Variants in ELP4 observed in about 807,000 individuals in gnomAD.
The protein encoded by ELP4 is elongator complex protein 4.
In ELP4, 51 loss-of-function variants were observed where a neutral mutation model predicts 48.9. That is an observed-to-expected ratio of 1.04 (90% CI 0.83 to 1.32). The LOEUF (loss-of-function observed/expected upper bound fraction) is 1.32, where lower values mean the gene tolerates loss of function less well. Ranked by LOEUF, ELP4 falls within the 40% of genes most tolerant of loss-of-function variation. The pLI, the probability that ELP4 is intolerant of heterozygous loss-of-function variation, is 0.00. For synonymous variants in ELP4, 210 were observed against 189.2 expected (o/e 1.11, Z -0.90); for missense variants, 519 against 514.6 (o/e 1.01, Z -0.08).
intron 3 of ELP4, among the ~76,000 whole-genome samples, chr11:31,583,551 A>G (rs1040683994): frequency 2.0e-5 from 3 of 152,250 alleles, no homozygotes; most frequent in South Asian, 2.1e-4. Context: ...GTGGTGAGCT[A>G]TGATTATGCC....
At chr11:31,776,055 A>G (rs762972) in intron 9 of ELP4, among the ~76,000 whole-genome samples, 107,148 of 150,784 alleles carry the variant, frequency 0.71, 39,128 homozygotes, top group African/African-American at 0.9. Flanking sequence ...GGAGGAGAAG[A>G]TGGGAGGGTG....
chr11:31,751,594 T>C (rs1448643102), intron 9 of ELP4, among the ~76,000 whole-genome samples: 3 of 152,166 alleles, frequency 2.0e-5, no homozygotes, highest in Admixed American at 1.3e-4. Context: ...CAAATATTTT[T>C]TGAATGAATG....
intron 5 of ELP4, among the ~76,000 whole-genome samples, chr11:31,619,380 A>G (rs1247335637): frequency 2.6e-5 from 4 of 152,026 alleles, no homozygotes; most frequent in South Asian, 4.1e-4. Flanking sequence ...TGTTCAGGCT[A>G]CTATAACAAA....
chr11:31,776,659 G>A (rs1300765622), intron 9 of ELP4, among the ~76,000 whole-genome samples: 6 of 152,082 alleles, frequency 3.9e-5, no homozygotes, highest in African/African-American at 1.2e-4. Context: ...TATAATTGAC[G>A]GTCAAAATAA....
intron 3 of ELP4, among the ~76,000 whole-genome samples, chr11:31,559,569 A>G (rs1408979536): frequency 6.6e-6 from 1 of 152,210 alleles, no homozygotes; most frequent in African/African-American, 2.4e-5. Flanking sequence ...TTATGTCTTC[A>G]CTAGTTACCT....
At chr11:31,779,761 C>T (rs537455419) in intron 9 of ELP4, 3 of 152,264 alleles carry the variant, frequency 2.0e-5, no homozygotes, top group Non-Finnish European at 4.4e-5. Flanking sequence ...GTGCAGGAAC[C>T]GTGGAAGTTG....
intron 9 of ELP4, among the ~76,000 whole-genome samples, chr11:31,716,125 C>T (rs1366014620): frequency 6.6e-6 from 1 of 152,126 alleles, no homozygotes; most frequent in Non-Finnish European, 1.5e-5. Context: ...AACCATCCTC[C>T]TGCCTCAGCC....
At chr11:31,737,848 T>TAATTGGTGGAAATTGTAAAAAATA (rs1947353238) in intron 9 of ELP4, among the ~76,000 whole-genome samples, 1 of 152,134 alleles carries the variant, frequency 6.6e-6, no homozygotes, top group South Asian at 2.1e-4. Context: ...GGTGGAAATG[T>TAATTGGTGGAAATTGTAAAAAATA]AAAATGTATA....
intron 1 of ELP4, chr11:31,511,594 G>A (rs1956009250): frequency 6.6e-6 from 1 of 152,176 alleles, no homozygotes; most frequent in Non-Finnish European, 1.5e-5. Context: ...GATATGAACA[G>A]TCTCACAAAA....
intron 9 of ELP4, among the ~76,000 whole-genome samples, chr11:31,714,225 G>GA (rs1173306882): frequency 6.6e-6 from 1 of 152,104 alleles, no homozygotes; most frequent in African/African-American, 2.4e-5. Context: ...ATAATAGAAT[G>GA]AAAAATACCT....
At chr11:31,682,652 A>T (rs1338064839) in intron 9 of ELP4, among the ~76,000 whole-genome samples, 2 of 152,190 alleles carry the variant, frequency 1.3e-5, no homozygotes, top group African/African-American at 4.8e-5. Context: ...GTGAATATAC[A>T]AATATGTATT....
At chr11:31,535,121 A>G (rs1956478352) in intron 2 of ELP4, among the ~76,000 whole-genome samples, 1 of 152,188 alleles carries the variant, frequency 6.6e-6, no homozygotes, top group African/African-American at 2.4e-5. Flanking sequence ...TGAGTGACAA[A>G]TAATGTTAAA....
chr11:31,781,488 CTTTTTTTTTTTTTTT>C (rs141365629), intron 9 of ELP4, among the ~76,000 whole-genome samples: 3 of 67,414 alleles, frequency 4.5e-5, no homozygotes, highest in Non-Finnish European at 2.5e-5. Flanking sequence ...ATTCCTGAGC[CTTTTTTTTTTTTTTT>C]TTTTTTTTTT....
intron 1 of ELP4, chr11:31,510,591 G>A (rs1026856458): frequency 2.5e-6 from 1 of 392,512 alleles, no homozygotes; most frequent in African/African-American, 2.1e-5. Flanking sequence ...TTGATATTTA[G>A]ATAGTGTCTG....
chr11:31,530,877 G>T (rs12789808), intron 2 of ELP4, among the ~76,000 whole-genome samples: 40,570 of 151,984 alleles, frequency 0.27, 5,699 homozygotes, highest in African/African-American at 0.34. Context: ...TCATCAGGTT[G>T]GTTGACTACT....
chr11:31,731,601 T>TGTG (rs3073920), intron 9 of ELP4, among the ~76,000 whole-genome samples: 2 of 148,170 alleles, frequency 1.3e-5, no homozygotes, highest in Non-Finnish European at 3.0e-5. Flanking sequence ...TGTGTGTGTG[T>TGTG]AGTCTGTGAA....
At chr11:31,754,129 C>T (rs1947784868) in intron 9 of ELP4, among the ~76,000 whole-genome samples, 1 of 152,136 alleles carries the variant, frequency 6.6e-6, no homozygotes, top group African/African-American at 2.4e-5. Flanking sequence ...TGAGCCTAAT[C>T]CCCATCATAT....
chr11:31,618,442 G>C (rs1408183009), intron 5 of ELP4, among the ~76,000 whole-genome samples: 2 of 152,076 alleles, frequency 1.3e-5, no homozygotes, highest in Non-Finnish European at 2.9e-5. Flanking sequence ...CATGGCAAAA[G>C]AATGGAAGAA....
chr11:31,576,208 C>T lies in ELP4; in HGVS notation c.382-18562C>T, dbSNP rs567785396. On this transcript the variant is annotated intron_variant, in intron 3 of 9. Transcript: ENST00000640961. ...AGAGACAAAGAAGGCCATTGCATAA[C>T]GGTAAAGGTATCAATTCAACAAGAA... 9.9e-5 allele frequency among the ~76,000 whole-genome samples: 15 copies of T among 152,200 alleles called. No homozygotes were observed. In the East Asian group the frequency reaches 1.2e-3, roughly 12 times the overall value.
Sources: allele counts gnomAD v4.1 joint callset (sites outside exome capture counted in the v4.1 genomes callset), GRCh38; gene constraint gnomAD v4.1.1; transcripts MANE v1.5; gene names NCBI Gene and HGNC (gene_info 2026-07-23, HGNC 2026-07-21).